Variants in NINJ2 observed in about 807,000 individuals in gnomAD.
NINJ2 encodes ninjurin 2.
Under a neutral mutation model 11.7 loss-of-function variants are expected in NINJ2, and 12 were observed. That is an observed-to-expected ratio of 1.02 (90% CI 0.66 to 1.66). The LOEUF is 1.66. Among genes scored for constraint, NINJ2 ranks in the 40% most tolerant of loss-of-function variants. The probability of loss-of-function intolerance (pLI) is 0.00; values close to 1 mark genes in which losing one functional copy is unlikely to be tolerated. For synonymous variants in NINJ2, 93 were observed against 76.8 expected, an observed-to-expected ratio of 1.21 and a Z score of -1.10; for missense variants, 187 against 181.8, an observed-to-expected ratio of 1.03 and a Z score of -0.16.
At chr12:642,523 C>T (rs1028042243) in intron 1 of NINJ2, among the ~76,000 whole-genome samples, 7 of 152,216 alleles carry the variant, frequency 4.6e-5, no homozygotes, top group Non-Finnish European at 1.0e-4. Flanking sequence ...CCACCGCGCC[C>T]GGCGCTATTA....
At chr12:630,923 C>A (rs1258820887) in intron 1 of NINJ2, 1 of 152,322 alleles carries the variant, frequency 6.6e-6, no homozygotes, top group Non-Finnish European at 1.5e-5. Flanking sequence ...GGGGGAGCCG[C>A]TTCTTAAGTA....
intron 1 of NINJ2, chr12:643,192 G>C (rs1233967388): frequency 6.4e-6 from 1 of 155,284 alleles, no homozygotes; most frequent in African/African-American, 2.4e-5. Context: ...GGGCCACCGA[G>C]GGCTCCAGGA....
At chr12:629,040 G>A (rs1326974949) in intron 1 of NINJ2, among the ~76,000 whole-genome samples, 3 of 152,164 alleles carry the variant, frequency 2.0e-5, no homozygotes, top group African/African-American at 7.2e-5. Context: ...TTTGCCTATA[G>A]AGTAGCCATT....
At chr12:638,955 C>G (rs1469460216) in intron 1 of NINJ2, among the ~76,000 whole-genome samples, 1 of 152,172 alleles carries the variant, frequency 6.6e-6, no homozygotes, top group African/African-American at 2.4e-5. Context: ...AAGTAATACT[C>G]TGCAACTGTT....
At chr12:607,351 GGATGATGATGATGAT>G (rs10592628) in intron 1 of NINJ2, among the ~76,000 whole-genome samples, 49 of 150,808 alleles carry the variant, frequency 3.2e-4, no homozygotes, top group Non-Finnish European at 5.3e-4. Flanking sequence ...ACTCTGTAAG[GGATGATGATGATGAT>G]GATGATGATG....
chr12:641,569 G>T (rs1438106761), intron 1 of NINJ2, among the ~76,000 whole-genome samples: 1 of 152,196 alleles, frequency 6.6e-6, no homozygotes, highest in Non-Finnish European at 1.5e-5. Context: ...GGCCGGGCGC[G>T]GTGGCTCACA....
Position 566,119 on chromosome 12 carries a change from C to A in NINJ2, c.93G>T (p.Lys31Asn). 1 of 1,614,200 alleles carries A rather than the reference C, an allele frequency of 6.2e-7. No homozygotes were observed. The highest frequency in any genetic ancestry group is 1.1e-5 in the South Asian group (1 of 91,076). The change falls in exon 2 of 4, where the codon AAG becomes AAT. Residue 31 changes from lysine (K) to asparagine (N), a missense_variant. Transcript: ENST00000305108. The part of the protein sequence containing the change: ...PINLNHYATK[K>N]SVAESMLDVA... ...CGTCCAGCATGCTCTCCGCCACGCT[C>A]TTCTTGGTGGCGTAATGGTTCAGGT...
rs1398348261 is a variant in NINJ2, at chr12:591,046, C to A, written c.34-24868G>T. On this transcript the variant is annotated intron_variant, in intron 1 of 3. Coordinates refer to ENST00000305108, the MANE Select transcript of NINJ2 (RefSeq NM_016533.6). The surrounding 1 kb of genome is among the most constrained non-coding windows in gnomAD (Gnocchi z 5.0). ...GTTATAGGGAGGCTGATGCTTACAG[C>A]TGATCAGAATCCAGGACACTAGCAC... 1 of 151,582 alleles carries A rather than the reference C, an allele frequency of 6.6e-6. No homozygotes were observed. Among genetic ancestry groups the A allele is most frequent in the East Asian group, 1.9e-4 (1 of 5,172 alleles). 9.4% of individuals were successfully genotyped at this position (151,582 alleles called of 1,614,324 possible). A position where few individuals can be genotyped will look rare whatever the true frequency, so the allele number is the denominator to read the frequency against.
intron 1 of NINJ2, among the ~76,000 whole-genome samples, chr12:648,223 G>A (rs751426312): frequency 4.6e-5 from 7 of 152,028 alleles, no homozygotes; most frequent in African/African-American, 9.7e-5. Flanking sequence ...ATATGCACCC[G>A]CCACCACACC....
intron 1 of NINJ2, among the ~76,000 whole-genome samples, chr12:654,243 G>A (rs1261964539): frequency 6.6e-6 from 1 of 152,078 alleles, no homozygotes; most frequent in African/African-American, 2.4e-5. Flanking sequence ...AAATGGATGG[G>A]GTCAGGCACG....
chr12:643,377 G>A, intron 1 of NINJ2: 5 of 928,388 alleles, frequency 5.4e-6, no homozygotes, highest in Non-Finnish European at 6.4e-6. Flanking sequence ...GTCCGCGGAG[G>A]AAAGGGTCGC....
intron 1 of NINJ2, among the ~76,000 whole-genome samples, chr12:629,896 A>AAAATATATATATATAT: frequency 1.0e-4 from 1 of 9,902 alleles, no homozygotes; most frequent in Non-Finnish European, 4.7e-4. Context: ...AAAAAAAAAA[A>AAAATATATATATATAT]ATATATATAT....
At chr12:573,583 A>G (rs111478569) in intron 1 of NINJ2, among the ~76,000 whole-genome samples, 1,815 of 151,862 alleles carry the variant, frequency 0.012, 40 homozygotes, top group African/African-American at 0.041. Flanking sequence ...CATCTAAAAC[A>G]AAAAAAACAG....
chr12:610,523 C>T, intron 1 of NINJ2: 1 of 1,497,226 alleles, frequency 6.7e-7, no homozygotes, highest in Admixed American at 2.1e-5. Context: ...GCGGCCAGCC[C>T]AGGGCCCTGC....
At chr12:642,806 G>A (rs1013851902) in intron 1 of NINJ2, 2 of 151,822 alleles carry the variant, frequency 1.3e-5, no homozygotes, top group Non-Finnish European at 2.9e-5. Context: ...GCCCAAAGCC[G>A]GGCCCCGAGC....
chr12:594,775 A>G (rs1473986847), intron 1 of NINJ2, among the ~76,000 whole-genome samples: 3 of 152,228 alleles, frequency 2.0e-5, no homozygotes, highest in African/African-American at 2.4e-5. Context: ...TATAGATTCA[A>G]TGCAATCCCA....
At chr12:609,096 G>GCA (rs1234446768) in intron 1 of NINJ2, among the ~76,000 whole-genome samples, 1 of 133,308 alleles carries the variant, frequency 7.5e-6, no homozygotes, top group African/African-American at 3.0e-5. Flanking sequence ...GGGGCTGAAC[G>GCA]CACGCACGGC....
chr12:643,080 A>T (rs1179180653), intron 1 of NINJ2: 1 of 153,036 alleles, frequency 6.5e-6, no homozygotes, highest in Non-Finnish European at 1.5e-5. Flanking sequence ...TGCGGAGCGC[A>T]GGAACCTTCA....
At chr12:643,619 G>A in intron 1 of NINJ2, 2 of 988,068 alleles carry the variant, frequency 2.0e-6, no homozygotes, top group Non-Finnish European at 2.4e-6. Context: ...TACGGCCACC[G>A]AGCGGCTGCT....
Sources: gnomAD v4.1 joint callset for allele counts (sites outside exome capture counted in the v4.1 genomes callset) on GRCh38, gnomAD v4.1.1 for gene constraint, Gnocchi (gnomAD v3.1) non-coding constraint, MANE v1.5 for transcripts, NCBI Gene and HGNC (gene_info 2026-07-23, HGNC 2026-07-21) for gene names.